Variants in DLGAP4 observed in about 807,000 individuals in gnomAD.
DLGAP4 encodes the protein DLG associated protein 4.
A neutral mutation model predicts 86.9 loss-of-function variants in DLGAP4; 18 were observed. The observed-to-expected ratio is 0.21, with a 90% CI of 0.14 to 0.31. DLGAP4 has a LOEUF of 0.31. Ranked by LOEUF, DLGAP4 falls within the 10% of genes least tolerant of loss-of-function variation. The pLI, the probability that DLGAP4 is intolerant of heterozygous loss-of-function variation, is 1.00. For missense variants in DLGAP4, 1,085 were observed against 1,362.6 expected, an observed-to-expected ratio of 0.80 and a Z score of 3.21; for synonymous variants, 548 against 574.3, an observed-to-expected ratio of 0.95 and a Z score of 0.65.
At chr20:36,520,720 C>T (rs973367808) in intron 10 of DLGAP4, among the ~76,000 whole-genome samples, 9 of 151,744 alleles carry the variant, frequency 5.9e-5, no homozygotes, top group African/African-American at 2.2e-4. Flanking sequence ...GCTTTTTTTT[C>T]CCTTCTTTAT....
intron 1 of DLGAP4, among the ~76,000 whole-genome samples, chr20:36,345,048 T>G (rs563658657): frequency 9.2e-5 from 14 of 152,250 alleles, no homozygotes; most frequent in Admixed American, 6.5e-4. Context: ...AGGACTAAAT[T>G]TGAAGGGACC....
chr20:36,351,385 T>C (rs1220709295), intron 1 of DLGAP4, among the ~76,000 whole-genome samples: 1 of 152,114 alleles, frequency 6.6e-6, no homozygotes, highest in Non-Finnish European at 1.5e-5. Context: ...AGCGGCGGCA[T>C]TCGATTCTCA....
intron 2 of DLGAP4, among the ~76,000 whole-genome samples, chr20:36,377,059 G>A (rs1216351734): frequency 6.6e-6 from 1 of 152,206 alleles, no homozygotes; most frequent in Non-Finnish European, 1.5e-5. Context: ...CTGGAGAAGG[G>A]AAACCAGAGA....
chr20:36,423,028 G>A (rs2032871043), intron 2 of DLGAP4, among the ~76,000 whole-genome samples: 1 of 152,154 alleles, frequency 6.6e-6, no homozygotes, highest in South Asian at 2.1e-4. Flanking sequence ...CCCTGATCAA[G>A]GGAGCTCAGA....
intron 2 of DLGAP4, among the ~76,000 whole-genome samples, chr20:36,385,955 A>C (rs1050250158): frequency 6.6e-6 from 1 of 152,090 alleles, no homozygotes; most frequent in African/African-American, 2.4e-5. Context: ...CCCTCCTCAC[A>C]CACCCTACCC....
intron 10 of DLGAP4, among the ~76,000 whole-genome samples, chr20:36,517,588 A>C (rs1225671094): frequency 6.6e-6 from 1 of 152,006 alleles, no homozygotes; most frequent in Non-Finnish European, 1.5e-5. Flanking sequence ...TAATGTTTTG[A>C]AAATGAGTTG....
intron 2 of DLGAP4, among the ~76,000 whole-genome samples, chr20:36,428,864 T>C (rs951886504): frequency 6.6e-6 from 1 of 152,264 alleles, no homozygotes; most frequent in Non-Finnish European, 1.5e-5. Flanking sequence ...CCCACTTTGT[T>C]GCCCAGGCTG....
intron 1 of DLGAP4, among the ~76,000 whole-genome samples, chr20:36,366,701 C>T (rs1231637419): frequency 6.6e-6 from 1 of 152,178 alleles, no homozygotes; most frequent in African/African-American, 2.4e-5. Context: ...ACCCCTTTCC[C>T]AACTTCTCCC....
At chr20:36,382,419 G>C (rs1198409960) in intron 2 of DLGAP4, among the ~76,000 whole-genome samples, 2 of 151,586 alleles carry the variant, frequency 1.3e-5, no homozygotes, top group Non-Finnish European at 2.9e-5. Flanking sequence ...TAGAGACTGA[G>C]TACTGCTTTG....
chr20:36,317,286 TTCTTTCTTA>T (rs1167114756), intron 1 of DLGAP4, among the ~76,000 whole-genome samples: 5,636 of 42,156 alleles, frequency 0.13, 506 homozygotes, highest in African/African-American at 0.32. Context: ...TTATCTTTCT[TTCTTTCTTA>T]TCTTTCTTTC....
chr20:36,447,242 A>G (rs1220378547), intron 7 of DLGAP4, among the ~76,000 whole-genome samples: 1 of 152,158 alleles, frequency 6.6e-6, no homozygotes, highest in Non-Finnish European at 1.5e-5. Context: ...TGCTATAGTC[A>G]GGGCTTACTG....
chr20:36,499,337 C>T, intron 8 of DLGAP4: 1 of 1,611,974 alleles, frequency 6.2e-7, no homozygotes, highest in Non-Finnish European at 8.5e-7. Context: ...GAAAGCCAGT[C>T]ATCTCCACCC....
At chr20:36,510,151 T>C (rs2036610465) in intron 10 of DLGAP4, among the ~76,000 whole-genome samples, 1 of 151,966 alleles carries the variant, frequency 6.6e-6, no homozygotes, top group Non-Finnish European at 1.5e-5. Flanking sequence ...GTCTCTTTCT[T>C]TCTTCAGTGT....
At chr20:36,424,895 C>A (rs2032933514) in intron 2 of DLGAP4, among the ~76,000 whole-genome samples, 1 of 152,170 alleles carries the variant, frequency 6.6e-6, no homozygotes. Flanking sequence ...GCCACCACGT[C>A]TGGCTAATTG....
chr20:36,368,040 C>G (rs530881357), intron 2 of DLGAP4, among the ~76,000 whole-genome samples: 1 of 152,344 alleles, frequency 6.6e-6, no homozygotes, highest in South Asian at 2.1e-4. Flanking sequence ...CTGGCCTTAG[C>G]TCTGCAAGGA....
chr20:36,399,353 C>T (rs1291185522), intron 2 of DLGAP4, among the ~76,000 whole-genome samples: 1 of 152,228 alleles, frequency 6.6e-6, no homozygotes, highest in Non-Finnish European at 1.5e-5. Flanking sequence ...ACCCGAAGAG[C>T]CTTGGTTTCC....
chr20:36,517,921 GA>G (rs1039351058), intron 10 of DLGAP4, among the ~76,000 whole-genome samples: 1 of 152,098 alleles, frequency 6.6e-6, no homozygotes, highest in African/African-American at 2.4e-5. Flanking sequence ...CATAGTCTCT[GA>G]AGGAATTTAA....
chr20:36,376,534 G>T (rs1014671258), intron 2 of DLGAP4, among the ~76,000 whole-genome samples: 1 of 152,158 alleles, frequency 6.6e-6, no homozygotes, highest in African/African-American at 2.4e-5. Flanking sequence ...GGGGGTGACA[G>T]CAGGTAGGAC....
rs572289077 is a variant in DLGAP4 at position 36,370,645 on chromosome 20, C to A, written c.-73+3370C>A. ...CAGCCTGGGCATCATAGCAAGACCC[C>A]CTTCTCCAAAAAAATTAAAAAAAAA... is the stretch of plus-strand genomic sequence containing the variant. On this transcript the variant is annotated intron_variant, in intron 2 of 12. Coordinates refer to ENST00000339266, the MANE Select transcript of DLGAP4 (RefSeq NM_001365621.2). Among the ~76,000 whole-genome samples the A allele has an allele frequency of 1.1e-3, 167 of 151,628 alleles. 1 individual carries two copies. Among genetic ancestry groups the A allele is most frequent in the South Asian group, 7.5e-3 (36 of 4,792 alleles).
Sources: allele counts gnomAD v4.1 joint callset (sites outside exome capture counted in the v4.1 genomes callset), GRCh38; gene constraint gnomAD v4.1.1; transcripts MANE v1.5; gene names NCBI Gene and HGNC (gene_info 2026-07-23, HGNC 2026-07-21).